The following MYBL2 variants were observed in gnomAD, a reference collection of about 807,000 sequenced individuals.
The protein encoded by MYBL2 is MYB proto-oncogene like 2.
Under a neutral mutation model 79.9 loss-of-function variants are expected in MYBL2, and 28 were observed. The observed-to-expected ratio is 0.35, with a 90% CI of 0.26 to 0.48. The LOEUF is 0.48. Among genes scored for constraint, MYBL2 ranks in the 20% least tolerant of loss-of-function variants. The probability of loss-of-function intolerance (pLI) is 0.99; values close to 1 mark genes in which losing one functional copy is unlikely to be tolerated. For missense variants in MYBL2, 735 were observed against 893.9 expected (o/e 0.82, Z 2.27); for synonymous variants, 378 against 361.2 (o/e 1.05, Z -0.53).
chr20:43,695,146 G>C (rs1987505079), intron 6 of MYBL2, among the ~76,000 whole-genome samples: 2 of 151,532 alleles, frequency 1.3e-5, no homozygotes, highest in South Asian at 4.2e-4. Flanking sequence ...TGGTTCTCCT[G>C]CCTCAGCCTC....
At chr20:43,678,981 G>A (rs183507224) in intron 2 of MYBL2, among the ~76,000 whole-genome samples, 16 of 152,190 alleles carry the variant, frequency 1.1e-4, no homozygotes, top group Admixed American at 3.3e-4. Flanking sequence ...AGGGCAGTGC[G>A]GGGATGGAGC....
chr20:43,715,900 A>G, intron 13 of MYBL2, 59 bp from the exon 14 acceptor site: 1 of 1,539,104 alleles, frequency 6.5e-7, no homozygotes, highest in Non-Finnish European at 8.7e-7. Context: ...CAGGATCACC[A>G]GGGTCTGTTG....
intron 6 of MYBL2, 152 bp from the exon 7 acceptor site, chr20:43,699,605 G>C (rs1987634362): frequency 1.2e-6 from 1 of 811,644 alleles, no homozygotes; most frequent in African/African-American, 1.7e-5. Flanking sequence ...CATTTTGGAA[G>C]TATATGGTAT....
intron 2 of MYBL2, among the ~76,000 whole-genome samples, chr20:43,681,035 T>C (rs1173926450): frequency 6.6e-6 from 1 of 152,202 alleles, no homozygotes; most frequent in Non-Finnish European, 1.5e-5. Context: ...GTGCATGGAA[T>C]CATACGGCAT....
At position 43,709,989 on chromosome 20, in the gene MYBL2, C is replaced by G; in HGVS notation, c.1532C>G (p.Ser511Cys). 1.2e-6 allele frequency: 2 copies of G among 1,608,828 alleles called. No individual in the cohort carries two copies. The highest frequency in any genetic ancestry group is 2.2e-5 in the East Asian group (1 of 44,724). ...AAFVTPDQKY[S>C]MDNTPHTPTP... ...TTTGTAACCCCAGATCAGAAGTACT[C>G]CATGGACAACACTCCCCACACGCCA... Residue 511 changes from serine (S) to cysteine (C), a missense_variant, in exon 10 of 14, where the codon TCC (serine) becomes TGC (cysteine). By Grantham distance (112) the Ser-to-Cys change is moderately radical. Coordinates refer to ENST00000217026, the MANE Select transcript of MYBL2 (RefSeq NM_002466.4).
chr20:43,683,617 G>A (rs936215237), intron 4 of MYBL2, among the ~76,000 whole-genome samples: 2 of 149,022 alleles, frequency 1.3e-5, no homozygotes, highest in South Asian at 2.2e-4. Flanking sequence ...GCAGTGGCGC[G>A]ATCTCAGCTC....
At chr20:43,683,254 C>T (rs1987185056) in intron 4 of MYBL2, among the ~76,000 whole-genome samples, 1 of 152,184 alleles carries the variant, frequency 6.6e-6, no homozygotes, top group Non-Finnish European at 1.5e-5. Flanking sequence ...CTGCTGCTAT[C>T]CCTGATTTAA....
At chr20:43,706,003 A>AT (rs1159068680) in intron 9 of MYBL2, among the ~76,000 whole-genome samples, 2 of 152,050 alleles carry the variant, frequency 1.3e-5, no homozygotes, top group African/African-American at 4.8e-5. Flanking sequence ...CCCGGCTAAA[A>AT]TTTTTTTAAG....
At chr20:43,682,046 T>G (rs1987156326) in intron 3 of MYBL2, among the ~76,000 whole-genome samples, 191 bp downstream of exon 3, 1 of 152,386 alleles carries the variant, frequency 6.6e-6, no homozygotes, top group Admixed American at 6.5e-5. Context: ...GGTACACTGC[T>G]GTAAACATCT....
intron 10 of MYBL2, among the ~76,000 whole-genome samples, chr20:43,710,338 T>C (rs2145734519): frequency 6.6e-6 from 1 of 152,268 alleles, no homozygotes; most frequent in South Asian, 2.1e-4. Flanking sequence ...TGGGGGAGAC[T>C]GATGTGAAAT....
Position 43,671,621 on chromosome 20 carries a change from C to T in MYBL2, c.21-2185C>T, listed in dbSNP as rs544219500. 1.6e-4 allele frequency among the ~76,000 whole-genome samples: 24 copies of T among 151,600 alleles called. No homozygotes were observed. The East Asian group carries it at 4.7e-3, about 30-fold the overall frequency. ...CTGAGTAGCTGGGATTACAGGCATGCACCATCACACCCGGCTAATTTTGTA... is the reference window on the plus strand; with the variant it reads ...CTGAGTAGCTGGGATTACAGGCATGTACCATCACACCCGGCTAATTTTGTA... On this transcript the variant is annotated intron_variant, in intron 1 of 13. Transcript: ENST00000217026.
chr20:43,682,740 C>G, intron 3 of MYBL2, 54 bp from the exon 4 acceptor site: 3 of 1,566,746 alleles, frequency 1.9e-6, no homozygotes, highest in Non-Finnish European at 2.6e-6. Context: ...AGGCCCCCAG[C>G]CCGAGGTCCC....
At chr20:43,712,218 A>T (rs936849682) in intron 11 of MYBL2, among the ~76,000 whole-genome samples, 2 of 152,170 alleles carry the variant, frequency 1.3e-5, no homozygotes, top group African/African-American at 4.8e-5. Flanking sequence ...CTTTCATGAC[A>T]GTGCGCGATC....
chr20:43,670,231 G>T (rs1986824940), intron 1 of MYBL2, among the ~76,000 whole-genome samples: 1 of 152,254 alleles, frequency 6.6e-6, no homozygotes, highest in Non-Finnish European at 1.5e-5. Context: ...CTGGATGCTG[G>T]AGAAGCAAAG....
In MYBL2 at chr20:43,676,000, G is replaced by A. The variant is rs530494643; in HGVS notation, c.114+2101G>A. 3.6e-4 allele frequency among the ~76,000 whole-genome samples: 55 copies of A among 151,104 alleles called. 1 individual carries two copies. The South Asian group carries it at 0.011, about 31-fold the overall frequency. On this transcript the variant is annotated intron_variant, in intron 2 of 13. Coordinates refer to ENST00000217026, the MANE Select transcript of MYBL2 (RefSeq NM_002466.4). ...GCTCACTGCAACCTCTGCCTCCTGG[G>A]TTCAAGCGATTCTCCTACCTCAGCC...
At chr20:43,712,914 G>A in intron 11 of MYBL2, 88 bp from the exon 12 acceptor site, 1 of 1,021,486 alleles carries the variant, frequency 9.8e-7, no homozygotes, top group Non-Finnish European at 1.5e-6. Flanking sequence ...GCCTGGTTTT[G>A]TGACCATCCA....
chr20:43,676,542 G>T (rs993431732), intron 2 of MYBL2, among the ~76,000 whole-genome samples: 1 of 152,098 alleles, frequency 6.6e-6, no homozygotes, highest in African/African-American at 2.4e-5. Context: ...CCATTGTATG[G>T]GTATACCACA....
At chr20:43,671,212 A>C (rs1986846284) in intron 1 of MYBL2, among the ~76,000 whole-genome samples, 1 of 151,172 alleles carries the variant, frequency 6.6e-6, no homozygotes, top group Non-Finnish European at 1.5e-5. Flanking sequence ...GCAGTGGCAC[A>C]ATCTCTGATC....
In MYBL2 at chr20:43,715,177, G is replaced by A. The variant is rs1988001241; in HGVS notation, c.1868G>A (p.Gly623Asp). 3 of 1,614,184 alleles carry A rather than the reference G, an allele frequency of 1.9e-6. No homozygotes were observed. Among genetic ancestry groups the A allele is most frequent in the Non-Finnish European group, 2.5e-6 (3 of 1,180,044 alleles). The change falls in exon 13 of 14, where the codon GGT becomes GAT. Residue 623 changes from glycine to aspartate, a missense_variant. By Grantham distance (94) the Gly-to-Asp change is moderately conservative. Around this residue, in one of 5 missense-constraint regions of MYBL2, gnomAD observed 204 missense variants for 202.9 expected, o/e 1.01. Transcript: ENST00000217026. Reference protein sequence around the residue: ...PSNSSSLTLSGIKEDNSLLNQ... With the variant: ...PSNSSSLTLSDIKEDNSLLNQ... ...AACTCTTCCAGCCTCACCCTGTCAG[G>A]TATCAAAGAAGACAACAGCTTGCTC...
Sources: allele counts gnomAD v4.1 joint callset (sites outside exome capture counted in the v4.1 genomes callset), GRCh38; gene constraint gnomAD v4.1.1; regional missense constraint gnomAD v4.1.1; transcripts MANE v1.5; gene names NCBI Gene and HGNC (gene_info 2026-07-23, HGNC 2026-07-21).